Variants in PATJ observed in about 807,000 individuals in gnomAD.
PATJ encodes inaD-like protein.
In PATJ, 190 loss-of-function variants were observed where a neutral mutation model predicts 224.9. That is an observed-to-expected ratio of 0.84 (90% confidence interval 0.75 to 0.95). The LOEUF is 0.95. PATJ is among the 40% of genes least tolerant of loss of function. PATJ has a pLI of 0.00. For synonymous variants in PATJ, 769 were observed against 820.3 expected (o/e 0.94, Z 1.07); for missense variants, 2,121 against 2,270.3 (o/e 0.93, Z 1.34).
chr1:62,094,231 C>T (rs1558158926), intron 33 of PATJ, among the ~76,000 whole-genome samples: 1 of 151,908 alleles, frequency 6.6e-6, no homozygotes, highest in African/African-American at 2.4e-5. Flanking sequence ...CCTGTCTCTA[C>T]AAAAAATTAA....
At chr1:61,831,237 A>G (rs1428151845) in intron 16 of PATJ, among the ~76,000 whole-genome samples, 2 of 151,986 alleles carry the variant, frequency 1.3e-5, no homozygotes, top group Admixed American at 6.6e-5. Flanking sequence ...ACCCTGGAAG[A>G]AAACCTAGGA....
intron 27 of PATJ, among the ~76,000 whole-genome samples, chr1:61,982,309 C>A (rs997773419): frequency 1.3e-5 from 2 of 151,990 alleles, no homozygotes; most frequent in African/African-American, 2.4e-5. Context: ...GACAAATAAT[C>A]TAAGGAGATA....
chr1:61,864,698 A>C, intron 20 of PATJ, 65 bp downstream of exon 20: 1 of 1,396,196 alleles, frequency 7.2e-7, no homozygotes, highest in Non-Finnish European at 9.7e-7. Context: ...CCTGTCTCTA[A>C]CTCATGTCAC....
At chr1:62,084,846 G>C (rs912270840) in intron 33 of PATJ, among the ~76,000 whole-genome samples, 198 bp downstream of exon 33, 42 of 152,170 alleles carry the variant, frequency 2.8e-4, no homozygotes, top group African/African-American at 9.4e-4. Context: ...TGCTGGGCGC[G>C]GTGGCTCACA....
At chr1:61,781,839 G>A (rs548551380) in intron 7 of PATJ, among the ~76,000 whole-genome samples, 1 of 152,306 alleles carries the variant, frequency 6.6e-6, no homozygotes, top group South Asian at 2.1e-4. Context: ...TGGAAAAGGT[G>A]CATGAGGTGG....
chr1:61,908,263 A>G lies in PATJ; in HGVS notation c.3382-109A>G, dbSNP rs377739635. The stretch of plus-strand genomic sequence containing the variant: ...CTTATTTTTTTCTGACCGTCTACTC[A>G]TTAGACTCTGGTTGTTCTTATAACT... On this transcript the variant is annotated intron_variant, in intron 24 of 43. Coordinates refer to ENST00000642238, the MANE Select transcript of PATJ (RefSeq NM_001350145.3). 258 of 724,196 alleles carry G rather than the reference A, an allele frequency of 3.6e-4. 3 individuals carry two copies. The highest frequency in any genetic ancestry group is 3.1e-3 in the South Asian group (178 of 56,522). 44.9% of individuals were successfully genotyped at this position (724,196 alleles called of 1,614,324 possible).
chr1:61,896,756 T>TGA (rs1370949055), intron 22 of PATJ, among the ~76,000 whole-genome samples: 1 of 152,174 alleles, frequency 6.6e-6, no homozygotes, highest in African/African-American at 2.4e-5. Flanking sequence ...GTTGTTCTCA[T>TGA]GAGAGTGAGG....
At chr1:61,987,181 T>C (rs1275682562) in intron 27 of PATJ, among the ~76,000 whole-genome samples, 2 of 152,046 alleles carry the variant, frequency 1.3e-5, no homozygotes, top group Non-Finnish European at 2.9e-5. Context: ...TAATTTATAA[T>C]TTTTTTGTTT....
intron 4 of PATJ, among the ~76,000 whole-genome samples, chr1:61,766,913 C>CA (rs1646313365): frequency 6.6e-6 from 1 of 151,998 alleles, no homozygotes. Context: ...ACCAACATGG[C>CA]AAAACCCTGT....
chr1:61,833,806 G>T (rs1557727925), intron 17 of PATJ, 21 bp downstream of exon 17: 9 of 1,604,328 alleles, frequency 5.6e-6, no homozygotes, highest in Non-Finnish European at 7.7e-6. Flanking sequence ...CTGTGTAGAG[G>T]TGTTTTCTTT....
intron 28 of PATJ, 80 bp from the exon 29 acceptor site, chr1:62,017,776 C>G: frequency 1.6e-6 from 1 of 636,368 alleles, no homozygotes; most frequent in Non-Finnish European, 2.7e-6. Context: ...ATTCAGTAGA[C>G]TTTATCATTT....
At chr1:61,918,964 A>T (rs1673870975) in intron 26 of PATJ, among the ~76,000 whole-genome samples, 1 of 152,144 alleles carries the variant, frequency 6.6e-6, no homozygotes, top group African/African-American at 2.4e-5. Context: ...TCTCAAAAAA[A>T]TTTTTAAAAA....
intron 11 of PATJ, among the ~76,000 whole-genome samples, chr1:61,798,275 G>A (rs1262567628): frequency 2.0e-5 from 3 of 151,824 alleles, no homozygotes; most frequent in Non-Finnish European, 4.4e-5. Flanking sequence ...GCTCACTGCC[G>A]CCTTACTTCC....
chr1:62,125,255 A>AAC (rs1491300863), intron 39 of PATJ, among the ~76,000 whole-genome samples: 1 of 86,208 alleles, frequency 1.2e-5, no homozygotes, highest in Non-Finnish European at 2.4e-5. Flanking sequence ...AAAAAAAAAC[A>AAC]AAAAAAAACA....
intron 27 of PATJ, among the ~76,000 whole-genome samples, chr1:61,940,846 G>T (rs1677711792): frequency 6.6e-6 from 1 of 151,988 alleles, no homozygotes; most frequent in Admixed American, 6.6e-5. Flanking sequence ...AGTTTAGCAA[G>T]ATTGAATAGG....
chr1:61,803,136 AT>A (rs1652877975), intron 12 of PATJ, among the ~76,000 whole-genome samples: 1 of 152,226 alleles, frequency 6.6e-6, no homozygotes, highest in South Asian at 2.1e-4. Flanking sequence ...CATAATGTTC[AT>A]TTTTTTATTA....
chr1:61,875,029 C>A (rs1011809814), intron 20 of PATJ, among the ~76,000 whole-genome samples: 1 of 152,106 alleles, frequency 6.6e-6, no homozygotes, highest in Non-Finnish European at 1.5e-5. Context: ...GGTTAAAAAT[C>A]CAAGTTTTAG....
intron 27 of PATJ, among the ~76,000 whole-genome samples, chr1:61,943,577 AGCC>A (rs1023391336): frequency 2.0e-5 from 3 of 152,150 alleles, no homozygotes; most frequent in African/African-American, 7.2e-5. Flanking sequence ...AGGTAAATGA[AGCC>A]GCCGGGAAGC....
rs369569920 is a variant in PATJ, at chr1:61,905,709, T to C, written c.3382-2663T>C. ...AGTGGCTGGCTATACCGTTTTACAT[T>C]CACACCAGCAATGTGTAAGTTTCTC... On this transcript the variant is annotated intron_variant, in intron 24 of 43. Transcript: ENST00000642238. 1.1e-4 allele frequency among the ~76,000 whole-genome samples: 17 copies of C among 152,310 alleles called. 1 individual carries two copies. The South Asian group carries it at 3.5e-3, about 32-fold the overall frequency.
Sources: gnomAD v4.1 joint callset for allele counts (sites outside exome capture counted in the v4.1 genomes callset) on GRCh38, gnomAD v4.1.1 for gene constraint, MANE v1.5 for transcripts, NCBI Gene and HGNC (gene_info 2026-07-23, HGNC 2026-07-21) for gene names.